Variants in GREB1 observed in about 807,000 individuals in gnomAD.
GREB1 encodes the protein protein GREB1.
GREB1 carries 106 observed loss-of-function variants against 200.7 expected under a neutral mutation model. That is an observed-to-expected ratio of 0.53 (90% CI 0.45 to 0.62). The LOEUF (loss-of-function observed/expected upper bound fraction) is 0.62. Among genes scored for constraint, GREB1 ranks in the 20% least tolerant of loss-of-function variants. The probability of loss-of-function intolerance (pLI) is 0.00; values close to 1 mark genes in which losing one functional copy is unlikely to be tolerated. For synonymous variants in GREB1, 1,132 were observed against 1,092.4 expected (o/e 1.04, Z -0.72); for missense variants, 2,243 against 2,556.8 (o/e 0.88, Z 2.65).
At chr2:11,610,391 CT>C (rs1682811386) in intron 17 of GREB1, among the ~76,000 whole-genome samples, 1 of 152,228 alleles carries the variant, frequency 6.6e-6, no homozygotes, top group Non-Finnish European at 1.5e-5. Context: ...ATTTATTCAT[CT>C]GCTCATTCAT....
chr2:11,615,438 A>C (rs1309353606), intron 20 of GREB1, 148 bp downstream of exon 20: 8 of 635,872 alleles, frequency 1.3e-5, no homozygotes, highest in Non-Finnish European at 2.2e-5. Context: ...GCTCTGGATG[A>C]GAGGTCTCCA....
intron 23 of GREB1, among the ~76,000 whole-genome samples, chr2:11,622,827 G>C (rs1431820818): frequency 6.6e-6 from 1 of 152,222 alleles, no homozygotes; most frequent in Non-Finnish European, 1.5e-5. Context: ...TCTGGGTCAG[G>C]ACTCTGGCCG....
Position 11,592,881 on chromosome 2 carries a change from A to G in GREB1, c.1451A>G (p.Gln484Arg), listed in dbSNP as rs757470926. Residue 484 changes from glutamine to arginine, a missense_variant, in exon 11 of 33, where the codon CAG becomes CGG. Physicochemically the swap from Gln to Arg is conservative, Grantham distance 43 (BLOSUM62 1). Coordinates refer to ENST00000381486, the MANE Select transcript of GREB1 (RefSeq NM_014668.4). ...EIRQYQQAPP[Q>R]PFPPAPSAAA... ...CGGCAGTACCAGCAGGCGCCGCCGC[A>G]GCCCTTCCCGCCCGCGCCCAGCGCC... 1 of 1,599,814 alleles carries G rather than the reference A, an allele frequency of 6.3e-7. No individual in the cohort carries two copies. Among genetic ancestry groups the G allele is most frequent in the Admixed American group, 1.7e-5 (1 of 58,512 alleles).
intron 1 of GREB1, among the ~76,000 whole-genome samples, chr2:11,543,531 C>G (rs1674957694): frequency 6.6e-6 from 1 of 152,194 alleles, no homozygotes; most frequent in South Asian, 2.1e-4. Flanking sequence ...CAAGGTCACA[C>G]AGCTTGAAAG....
intron 10 of GREB1, among the ~76,000 whole-genome samples, chr2:11,591,001 A>G (rs1466210628): frequency 1.1e-4 from 17 of 152,174 alleles, no homozygotes; most frequent in Admixed American, 1.1e-3. Flanking sequence ...GTATGTGAAG[A>G]TTGGAGATAA....
At position 11,588,759 on chromosome 2, in the gene GREB1, C is replaced by G; in HGVS notation, c.1173C>G (p.Phe391Leu). The change falls in exon 10 of 33, where the codon TTC becomes TTG. Residue 391 changes from phenylalanine to leucine, a missense_variant. Coordinates refer to ENST00000381486, the MANE Select transcript of GREB1 (RefSeq NM_014668.4). ...KPVIFKGHGN[F>L]PYLCGNLNDV... ...GTTCCTCTGCAGGCCATGGGAACTTCCCTTACCTCTGTGGGAACCTGAATG... is the reference window on the plus strand; with the variant it reads ...GTTCCTCTGCAGGCCATGGGAACTTGCCTTACCTCTGTGGGAACCTGAATG... 1 of 1,614,188 alleles carries G rather than the reference C, an allele frequency of 6.2e-7. No individual in the cohort carries two copies. The highest frequency in any genetic ancestry group is 8.5e-7 in the Non-Finnish European group (1 of 1,180,002).
chr2:11,516,747 A>G (rs916496124), intron 1 of GREB1, among the ~76,000 whole-genome samples: 1 of 152,306 alleles, frequency 6.6e-6, no homozygotes, highest in East Asian at 1.9e-4. Flanking sequence ...ATCTAAGGGA[A>G]AGACCTGCAC....
chr2:11,543,303 T>C (rs894748227), intron 1 of GREB1, among the ~76,000 whole-genome samples: 17 of 152,228 alleles, frequency 1.1e-4, no homozygotes, highest in African/African-American at 4.1e-4. Flanking sequence ...TAAGGCAAGC[T>C]TAAGACTTAA....
intron 12 of GREB1, 107 bp downstream of exon 12, chr2:11,595,486 C>T: frequency 1.7e-6 from 2 of 1,149,738 alleles, no homozygotes; most frequent in Non-Finnish European, 2.5e-6. Context: ...CTAAGGCTGG[C>T]CTCCACTGCA....
intron 1 of GREB1, among the ~76,000 whole-genome samples, chr2:11,517,055 C>T (rs1483363724): frequency 6.6e-6 from 1 of 152,224 alleles, no homozygotes; most frequent in Non-Finnish European, 1.5e-5. Context: ...GCTGTCTTTG[C>T]CGCTGTGTCT....
intron 1 of GREB1, among the ~76,000 whole-genome samples, chr2:11,539,673 T>C (rs1395081169): frequency 6.6e-6 from 1 of 152,068 alleles, no homozygotes; most frequent in Non-Finnish European, 1.5e-5. Flanking sequence ...TGTACCTGTG[T>C]GGAGAGCACT....
chr2:11,633,274 G>A lies in GREB1; in HGVS notation c.4991+211G>A, dbSNP rs1685033765. The stretch of plus-strand genomic sequence containing the variant: ...GGCTTGCTTTTAATTTTAAAAAATT[G>A]TTATTGGGCCGGGCGCGGTGGCTCA... On this transcript the variant is annotated intron_variant, in intron 28 of 32. Coordinates refer to ENST00000381486, the MANE Select transcript of GREB1 (RefSeq NM_014668.4). This position sits in a 1 kb window ranked among gnomAD's most constrained non-coding sequence, Gnocchi z 4.1. 6.6e-6 allele frequency among the ~76,000 whole-genome samples: 1 copy of A among 152,102 alleles called. No homozygotes were observed. Among genetic ancestry groups the A allele is most frequent in the South Asian group, 2.1e-4 (1 of 4,822 alleles).
intron 1 of GREB1, among the ~76,000 whole-genome samples, chr2:11,538,505 G>T (rs576176913): frequency 1.3e-5 from 2 of 152,312 alleles, no homozygotes; most frequent in African/African-American, 4.8e-5. Context: ...GGGCTCTCAT[G>T]ATTTATTTTC....
At position 11,597,025 on chromosome 2, in the gene GREB1, G is replaced by A. The variant is rs1365575152; in HGVS notation, c.1955-756G>A. 5.3e-5 allele frequency among the ~76,000 whole-genome samples: 8 copies of A among 151,874 alleles called. No homozygotes were observed. The highest frequency in any genetic ancestry group is 7.4e-5 in the Non-Finnish European group (5 of 67,920). On this transcript the variant is annotated intron_variant, in intron 13 of 32. Coordinates refer to ENST00000381486, the MANE Select transcript of GREB1 (RefSeq NM_014668.4). The surrounding 1 kb of genome is among the most constrained non-coding windows in gnomAD (Gnocchi z 4.1). ...GGCATAGCTGTGTGCAGTGAGAGGC[G>A]CCAATGGGCACAGGTGTGCACCGTG... is the stretch of plus-strand genomic sequence containing the variant.
chr2:11,604,284 A>T (rs1020426416), intron 17 of GREB1, among the ~76,000 whole-genome samples: 11 of 152,198 alleles, frequency 7.2e-5, no homozygotes, highest in Non-Finnish European at 1.3e-4. Flanking sequence ...TTGAATCCTG[A>T]ATCTGCCGTT....
intron 7 of GREB1, 108 bp from the exon 8 acceptor site, chr2:11,585,053 G>GAAA (rs55893544): frequency 2.3e-4 from 109 of 474,038 alleles, no homozygotes; most frequent in East Asian, 1.3e-3. Flanking sequence ...TCTGTGATTA[G>GAAA]AAAAAAAAAA....
chr2:11,516,513 T>C (rs1003084984), intron 1 of GREB1, among the ~76,000 whole-genome samples: 4 of 152,238 alleles, frequency 2.6e-5, no homozygotes, highest in Non-Finnish European at 4.4e-5. Context: ...CTTCAAACCC[T>C]GCAGTGTTTC....
chr2:11,639,100 T>C (rs1225172839), intron 32 of GREB1, among the ~76,000 whole-genome samples: 1 of 152,238 alleles, frequency 6.6e-6, no homozygotes, highest in East Asian at 1.9e-4. Context: ...TCTTTCTTTC[T>C]GGTTTTTGAG....
At chr2:11,619,005 C>A in intron 22 of GREB1, 86 bp downstream of exon 22, 1 of 1,237,362 alleles carries the variant, frequency 8.1e-7, no homozygotes, top group Non-Finnish European at 1.1e-6. Context: ...GGGGTGACCG[C>A]ACCCACGTCT....
Sources: allele counts gnomAD v4.1 joint callset (sites outside exome capture counted in the v4.1 genomes callset), GRCh38; gene constraint gnomAD v4.1.1; non-coding constraint Gnocchi (gnomAD v3.1); transcripts MANE v1.5; gene names NCBI Gene and HGNC (gene_info 2026-07-23, HGNC 2026-07-21).